ARIH1: variants seen among roughly 807,000 people sequenced by gnomAD.
The protein encoded by ARIH1 is E3 ubiquitin-protein ligase ARIH1.
In ARIH1, 8 loss-of-function variants were observed where a neutral mutation model predicts 85.0. That is an observed-to-expected ratio of 0.09 (90% CI 0.06 to 0.17). The LOEUF is 0.17. ARIH1 is among the 10% of genes least tolerant of loss of function. The pLI, the probability that ARIH1 is intolerant of heterozygous loss-of-function variation, is 1.00. For synonymous variants in ARIH1, 238 were observed against 253.6 expected (o/e 0.94, Z 0.59); for missense variants, 311 against 718.1 (o/e 0.43, Z 6.48).
chr15:72,574,752 G>A (rs2064262386), intron 11 of ARIH1, among the ~76,000 whole-genome samples: 1 of 152,120 alleles, frequency 6.6e-6, no homozygotes, highest in African/African-American at 2.4e-5. Context: ...AGACTTAAAT[G>A]AGTAGGTATA....
intron 2 of ARIH1, among the ~76,000 whole-genome samples, chr15:72,534,575 A>G (rs193106942): frequency 6.6e-6 from 1 of 152,304 alleles, no homozygotes; most frequent in Non-Finnish European, 1.5e-5. Context: ...CCTACAAGTA[A>G]ACTTACATTT....
intron 1 of ARIH1, among the ~76,000 whole-genome samples, chr15:72,517,407 A>C (rs2063980012): frequency 6.6e-6 from 1 of 151,924 alleles, no homozygotes; most frequent in South Asian, 2.1e-4. Context: ...TGAGTGTTGG[A>C]AATTTTCCTT....
chr15:72,494,292 C>T (rs766168468), intron 1 of ARIH1, among the ~76,000 whole-genome samples: 1 of 152,126 alleles, frequency 6.6e-6, no homozygotes, highest in Non-Finnish European at 1.5e-5. Flanking sequence ...CGCTTTGTTT[C>T]ATAGTAGAAG....
chr15:72,513,682 CCTCT>C (rs2063959780), intron 1 of ARIH1, among the ~76,000 whole-genome samples: 1 of 126,718 alleles, frequency 7.9e-6, no homozygotes, highest in Non-Finnish European at 1.7e-5. Context: ...TCTCTCTCTC[CCTCT>C]CCCTCCCTCC....
At chr15:72,549,722 C>T (rs1305763281) in intron 3 of ARIH1, among the ~76,000 whole-genome samples, 1 of 152,168 alleles carries the variant, frequency 6.6e-6, no homozygotes, top group Admixed American at 6.5e-5. Flanking sequence ...TGCTATTTGA[C>T]ATTAGTTGCT....
rs1420819805 is a variant in ARIH1, at chr15:72,544,816, G to T, written c.444-4G>T. On this transcript the variant is annotated splice_polypyrimidine_tract_variant and splice_region_variant and intron_variant, in intron 2 of 13. Coordinates refer to ENST00000379887, the MANE Select transcript of ARIH1 (RefSeq NM_005744.5). ...CTCTTATCCTTTCTGTTTAAATAAT[G>T]CAGGTACTTTGATGGAAACCTGGAG... 1 of 1,610,132 alleles carries T rather than the reference G, an allele frequency of 6.2e-7. No individual in the cohort carries two copies. The highest frequency in any genetic ancestry group is 8.5e-7 in the Non-Finnish European group (1 of 1,177,370).
chr15:72,501,592 C>T (rs941949419), intron 1 of ARIH1, among the ~76,000 whole-genome samples: 2 of 152,048 alleles, frequency 1.3e-5, no homozygotes, highest in South Asian at 2.1e-4. Context: ...TGAAGTCACG[C>T]GAATGTTTTG....
rs370219259 is a variant in ARIH1 at position 72,593,859 on chromosome 15, T to C, written c.*10567T>C. On this transcript the variant is annotated 3_prime_UTR_variant, in exon 14 of 14. Coordinates refer to ENST00000379887, the MANE Select transcript of ARIH1 (RefSeq NM_005744.5). ...AAACGTAGATGTGCTGGGTTAGCTG[T>C]GTTCATGCCACTGCATTCCAGCTTG... is the stretch of plus-strand genomic sequence containing the variant. 2 of 151,834 alleles carry C rather than the reference T, an allele frequency of 1.3e-5. No homozygotes were observed. Among genetic ancestry groups the C allele is most frequent in the African/African-American group, 4.8e-5 (2 of 41,354 alleles). 9.4% of individuals were successfully genotyped at this position (151,834 alleles called of 1,614,324 possible). A position where few individuals can be genotyped will look rare whatever the true frequency, so the allele number is the denominator to read the frequency against.
chr15:72,500,813 A>G (rs1454447424), intron 1 of ARIH1, among the ~76,000 whole-genome samples: 1 of 152,220 alleles, frequency 6.6e-6, no homozygotes, highest in Non-Finnish European at 1.5e-5. Context: ...ACCTCAGAGG[A>G]TTAGAAATCA....
intron 6 of ARIH1, 49 bp downstream of exon 6, chr15:72,561,598 A>G: frequency 8.4e-6 from 9 of 1,077,838 alleles, no homozygotes; most frequent in Non-Finnish European, 1.2e-5. Flanking sequence ...GTTTATTAAT[A>G]GAAATACTAT....
chr15:72,493,556 T>G (rs1054397436), intron 1 of ARIH1, among the ~76,000 whole-genome samples: 1 of 152,182 alleles, frequency 6.6e-6, no homozygotes, highest in African/African-American at 2.4e-5. Flanking sequence ...ATTACTATAT[T>G]AATAGTTTTG....
chr15:72,491,238 C>A (rs2063858148), intron 1 of ARIH1, among the ~76,000 whole-genome samples: 1 of 152,144 alleles, frequency 6.6e-6, no homozygotes, highest in South Asian at 2.1e-4. Flanking sequence ...GCATAATAAT[C>A]ACATTCCCTG....
chr15:72,535,141 C>CG (rs1447468594), intron 2 of ARIH1, among the ~76,000 whole-genome samples: 1 of 150,362 alleles, frequency 6.7e-6, no homozygotes, highest in Non-Finnish European at 1.5e-5. Flanking sequence ...TTAGTAGAGA[C>CG]GGGGTTTCAC....
At chr15:72,500,689 A>G (rs1372019924) in intron 1 of ARIH1, among the ~76,000 whole-genome samples, 2 of 152,222 alleles carry the variant, frequency 1.3e-5, no homozygotes, top group East Asian at 1.9e-4. Context: ...CATCTTTCAC[A>G]TTAGGAAGGT....
chr15:72,476,597 TTG>T (rs1238999690), intron 1 of ARIH1, among the ~76,000 whole-genome samples: 1 of 151,802 alleles, frequency 6.6e-6, no homozygotes, highest in Non-Finnish European at 1.5e-5. Flanking sequence ...ACTCCTGACC[TTG>T]TGATCCGCCT....
chr15:72,535,247 G>A (rs894533589), intron 2 of ARIH1, among the ~76,000 whole-genome samples: 1 of 152,038 alleles, frequency 6.6e-6, no homozygotes, highest in Non-Finnish European at 1.5e-5. Flanking sequence ...CACCGCGCCC[G>A]GCCTTATTGT....
intron 1 of ARIH1, among the ~76,000 whole-genome samples, chr15:72,513,478 TAC>T (rs958742800): frequency 6.6e-6 from 1 of 152,160 alleles, no homozygotes; most frequent in African/African-American, 2.4e-5. Context: ...AGCATGATGT[TAC>T]AGTTTTTTAT....
intron 4 of ARIH1, 116 bp downstream of exon 4, chr15:72,555,479 C>G: frequency 4.1e-6 from 3 of 724,116 alleles, no homozygotes; most frequent in Non-Finnish European, 4.6e-6. Context: ...ATTCTAGATT[C>G]AAACAACTAA....
intron 1 of ARIH1, among the ~76,000 whole-genome samples, chr15:72,506,648 AAGC>A (rs2063926953): frequency 6.6e-6 from 1 of 152,232 alleles, no homozygotes; most frequent in South Asian, 2.1e-4. Context: ...TTGGACCCAT[AAGC>A]AGCTCATTTG....
Sources: allele counts gnomAD v4.1 joint callset (sites outside exome capture counted in the v4.1 genomes callset), GRCh38; gene constraint gnomAD v4.1.1; transcripts MANE v1.5; gene names NCBI Gene and HGNC (gene_info 2026-07-23, HGNC 2026-07-21).